AOPEP: variants seen among roughly 807,000 people sequenced by gnomAD.
The protein encoded by AOPEP is aminopeptidase O.
A neutral mutation model predicts 98.1 loss-of-function variants in AOPEP; 77 were observed. That is an observed-to-expected ratio of 0.78 (90% CI 0.65 to 0.95). The LOEUF (loss-of-function observed/expected upper bound fraction) is 0.95, where lower values mean the gene tolerates loss of function less well. Ranked by LOEUF, AOPEP falls within the 40% of genes least tolerant of loss-of-function variation. The pLI is 0.00. For missense variants in AOPEP, 1,024 were observed against 1,024.7 expected (o/e 1.00, Z 0.01); for synonymous variants, 346 against 365.3 (o/e 0.95, Z 0.60).
chr9:94,754,804 G>A (rs1171204995), intron 1 of AOPEP, among the ~76,000 whole-genome samples: 1 of 152,200 alleles, frequency 6.6e-6, no homozygotes, highest in African/African-American at 2.4e-5. Flanking sequence ...GAGGATACAC[G>A]TTGCTTTGTA....
At chr9:95,084,554 C>T (rs55838201) in intron 16 of AOPEP, among the ~76,000 whole-genome samples, 2,289 of 152,276 alleles carry the variant, frequency 0.015, 58 homozygotes, top group African/African-American at 0.052. Flanking sequence ...TCGTGGCGTA[C>T]GTGTTAAAGT....
intron 4 of AOPEP, among the ~76,000 whole-genome samples, chr9:94,796,519 G>A (rs772861817): frequency 3.9e-5 from 6 of 152,260 alleles, no homozygotes; most frequent in South Asian, 2.1e-4. Flanking sequence ...CCCAGCACCC[G>A]TTCTACTTCA....
In AOPEP at chr9:94,801,021, G is replaced by A. The variant is rs201908670; in HGVS notation, c.1364+19G>A. 2.4e-5 allele frequency: 38 copies of A among 1,613,048 alleles called. No individual in the cohort carries two copies. On this transcript the variant is annotated intron_variant, in intron 5 of 16. Coordinates refer to ENST00000375315, the MANE Select transcript of AOPEP (RefSeq NM_001193329.3). ...TGGCCAGGTATGTTGTTCCATTGTG[G>A]CACTTGGGGTACATACATTTTGGAA...
At chr9:95,137,963 C>T in the AOPEP span, among the ~76,000 whole-genome samples, 23 of 152,346 alleles carry the variant, frequency 1.5e-4, no homozygotes, top group East Asian at 1.4e-3. Flanking sequence ...CTGGCGGTAA[C>T]GGGAGTGATC....
chr9:95,123,662 G>A, the AOPEP span: 2 of 638,442 alleles, frequency 3.1e-6, no homozygotes, highest in Non-Finnish European at 5.9e-6. Context: ...AGTGGAGGCT[G>A]CAGCAGTCAG....
chr9:94,782,200 GAAAC>G (rs1843443100), intron 3 of AOPEP, among the ~76,000 whole-genome samples: 1 of 151,294 alleles, frequency 6.6e-6, no homozygotes, highest in Non-Finnish European at 1.5e-5. Context: ...AAAAAAAAAA[GAAAC>G]AAAAAAAGAA....
At chr9:94,743,926 G>A (rs377189039) in intron 1 of AOPEP, among the ~76,000 whole-genome samples, 16 of 152,210 alleles carry the variant, frequency 1.1e-4, no homozygotes, top group Admixed American at 6.5e-4. Flanking sequence ...GGACTTGGGA[G>A]TCCCAGTGAG....
intron 2 of AOPEP, among the ~76,000 whole-genome samples, chr9:94,765,480 A>ATAATAATAAT (rs55778359): frequency 2.7e-5 from 4 of 148,272 alleles, no homozygotes; most frequent in Admixed American, 2.0e-4. Flanking sequence ...AATAATAATA[A>ATAATAATAAT]GTCACAGCTA....
chr9:94,828,652 G>A (rs1463357274), intron 5 of AOPEP, among the ~76,000 whole-genome samples: 5 of 151,920 alleles, frequency 3.3e-5, no homozygotes, highest in Non-Finnish European at 7.4e-5. Context: ...TTCAAAAAGT[G>A]TAATATGAGG....
At chr9:94,863,707 C>T (rs914639696) in intron 5 of AOPEP, among the ~76,000 whole-genome samples, 2 of 152,182 alleles carry the variant, frequency 1.3e-5, no homozygotes, top group Non-Finnish European at 2.9e-5. Flanking sequence ...TGAGCCACCA[C>T]GCCTGGCCAT....
At chr9:94,965,744 A>T (rs2059148421) in intron 9 of AOPEP, among the ~76,000 whole-genome samples, 2 of 151,940 alleles carry the variant, frequency 1.3e-5, no homozygotes, top group Admixed American at 1.3e-4. Flanking sequence ...ACTTGGTTCT[A>T]TTGGGAGGCT....
At chr9:94,962,185 C>T (rs2058888991) in intron 9 of AOPEP, among the ~76,000 whole-genome samples, 1 of 152,170 alleles carries the variant, frequency 6.6e-6, no homozygotes, top group Non-Finnish European at 1.5e-5. Flanking sequence ...TTAATTCCCT[C>T]TCAATTAATA....
chr9:95,090,828 G>A (rs1379996130), downstream of AOPEP, among the ~76,000 whole-genome samples: 1 of 152,210 alleles, frequency 6.6e-6, no homozygotes, highest in Non-Finnish European at 1.5e-5. Context: ...AGGATTAAAG[G>A]ATTTTAAAGC....
chr9:94,862,979 C>T (rs1350818918), intron 5 of AOPEP, among the ~76,000 whole-genome samples: 2 of 152,186 alleles, frequency 1.3e-5, no homozygotes, highest in African/African-American at 4.8e-5. Context: ...AAAAGACACA[C>T]ATAAAGTCTA....
intron 5 of AOPEP, among the ~76,000 whole-genome samples, chr9:94,819,418 G>C (rs1032673898): frequency 7.2e-5 from 11 of 152,146 alleles, no homozygotes; most frequent in African/African-American, 1.7e-4. Context: ...ACTCCTGCCC[G>C]CCACTCTTCC....
At position 94,781,561 on chromosome 9, in the gene AOPEP, T is replaced by A. The variant is rs202093967; in HGVS notation, c.964+8393T>A. Among the ~76,000 whole-genome samples the A allele has an allele frequency of 8.4e-4, 109 of 130,520 alleles. 2 individuals are homozygous for A. In the South Asian group the frequency reaches 0.021, roughly 25 times the overall value. The allele number at this position is 130,520 out of a possible 152,430, so 85.6% of individuals were successfully genotyped here. ...TTTTTTGTTTAGTTTTTTTTTTTTT[T>A]AATTAATTAATTTTTTTGAGACAGA... On this transcript the variant is annotated intron_variant, in intron 3 of 16. Transcript: ENST00000375315.
chr9:94,805,532 A>C (rs1198616001), intron 5 of AOPEP, among the ~76,000 whole-genome samples: 2 of 152,000 alleles, frequency 1.3e-5, no homozygotes, highest in East Asian at 3.8e-4. Flanking sequence ...GAATGAAAAT[A>C]GGATTGACAA....
chr9:94,741,502 A>C (rs1175883962), intron 1 of AOPEP, among the ~76,000 whole-genome samples: 1 of 151,712 alleles, frequency 6.6e-6, no homozygotes, highest in East Asian at 1.9e-4. Context: ...CCATCTCCTG[A>C]CCTCGTCATC....
the AOPEP span, among the ~76,000 whole-genome samples, chr9:95,110,025 T>A: frequency 6.6e-6 from 1 of 152,202 alleles, no homozygotes; most frequent in African/African-American, 2.4e-5. Flanking sequence ...TGGATTGAAC[T>A]GCCAGGCAGA....
Sources: gnomAD v4.1 joint callset for allele counts (sites outside exome capture counted in the v4.1 genomes callset) on GRCh38, gnomAD v4.1.1 for gene constraint, MANE v1.5 for transcripts, NCBI Gene and HGNC (gene_info 2026-07-23, HGNC 2026-07-21) for gene names.